Variants in ENOX1 observed in about 807,000 individuals in gnomAD.
The protein encoded by ENOX1 is candidate growth-related and time keeping constitutive hydroquinone (NADH) oxidase.
ENOX1 carries 42 observed loss-of-function variants against 82.5 expected under a neutral mutation model. The observed-to-expected ratio is 0.51, with a 90% CI of 0.40 to 0.66. ENOX1 has a LOEUF of 0.66. Ranked by LOEUF, ENOX1 falls within the 30% of genes least tolerant of loss-of-function variation. The probability of loss-of-function intolerance (pLI) is 0.00; values close to 1 mark genes in which losing one functional copy is unlikely to be tolerated. For synonymous variants in ENOX1, 271 were observed against 282.2 expected (o/e 0.96, Z 0.40); for missense variants, 608 against 811.6 (o/e 0.75, Z 3.05).
chr13:43,500,927 T>C (rs931059903), intron 2 of ENOX1, among the ~76,000 whole-genome samples: 1 of 151,674 alleles, frequency 6.6e-6, no homozygotes. Flanking sequence ...GTATAGTAGA[T>C]ACAAAAGATA....
Position 43,542,560 on chromosome 13 carries a change from G to A in ENOX1, c.-218-58408C>T, listed in dbSNP as rs191669683. ...AAGCAATTCTCAGGCCTCAGCCTCC[G>A]GAGTAGCTGGGATTACAGGCACCTG... On this transcript the variant is annotated intron_variant, in intron 2 of 16. Transcript: ENST00000690772. 6.0e-3 allele frequency among the ~76,000 whole-genome samples: 913 copies of A among 150,956 alleles called. 5 individuals carry two copies. Among genetic ancestry groups the A allele is most frequent in the Non-Finnish European group, 9.8e-3 (664 of 67,764 alleles).
rs541738340 is a variant in ENOX1, at chr13:43,725,263, C to A, written c.-284-57719G>T. Among the ~76,000 whole-genome samples the A allele has an allele frequency of 6.4e-4, 97 of 152,222 alleles. 2 individuals are homozygous for A. The highest frequency in any genetic ancestry group is 1.3e-3 in the Non-Finnish European group (88 of 68,006). ...AGGGTCTCCCTTCCCACTGGTTGAG[C>A]AACTACCAGCCAATCACTCTGAGCC... is the stretch of plus-strand genomic sequence containing the variant. On this transcript the variant is annotated intron_variant, in intron 1 of 16. Transcript: ENST00000690772.
rs1952608444 is a variant in ENOX1 at position 43,786,249 on chromosome 13, G to A, written c.-285+403C>T. On this transcript the variant is annotated intron_variant, in intron 1 of 16. Transcript: ENST00000690772. The surrounding 1 kb of genome is among the most constrained non-coding windows in gnomAD (Gnocchi z 6.0). ...GGGAACACTGTGTGGGCAGGAACGG[G>A]TCCCGGGGGCGACGCCCGCAGGGGG... 6.6e-6 allele frequency among the ~76,000 whole-genome samples: 1 copy of A among 152,126 alleles called. No homozygotes were observed. The highest frequency in any genetic ancestry group is 2.4e-5 in the African/African-American group (1 of 41,424).
intron 2 of ENOX1, among the ~76,000 whole-genome samples, chr13:43,585,440 TAGAC>T (rs2080933392): frequency 6.6e-6 from 1 of 152,240 alleles, no homozygotes; most frequent in Non-Finnish European, 1.5e-5. Context: ...ATAGGAAATT[TAGAC>T]AGACAATTCT....
chr13:43,768,695 C>T (rs781073331), intron 1 of ENOX1, among the ~76,000 whole-genome samples: 3 of 152,204 alleles, frequency 2.0e-5, no homozygotes, highest in Non-Finnish European at 4.4e-5. Context: ...AGCTTTAAAA[C>T]ATACATACAC....
At chr13:43,498,684 C>T (rs1022714862) in intron 2 of ENOX1, among the ~76,000 whole-genome samples, 1 of 151,806 alleles carries the variant, frequency 6.6e-6, no homozygotes, top group South Asian at 2.1e-4. Flanking sequence ...GTTAGAACTG[C>T]TACAGGCAAA....
chr13:43,275,774 G>A (rs1211268003), intron 12 of ENOX1, among the ~76,000 whole-genome samples: 1 of 152,200 alleles, frequency 6.6e-6, no homozygotes, highest in African/African-American at 2.4e-5. Flanking sequence ...GGAAACAACA[G>A]TAAATAGCCT....
intron 8 of ENOX1, among the ~76,000 whole-genome samples, chr13:43,347,251 A>G (rs1340038145): frequency 6.6e-6 from 1 of 152,242 alleles, no homozygotes; most frequent in Non-Finnish European, 1.5e-5. Context: ...AGAGGAAACA[A>G]TATTCTTAGG....
intron 1 of ENOX1, among the ~76,000 whole-genome samples, chr13:43,677,661 T>C (rs1461282882): frequency 6.6e-6 from 1 of 152,226 alleles, no homozygotes; most frequent in Non-Finnish European, 1.5e-5. Flanking sequence ...TTTCACACTA[T>C]AACTTTCTTT....
intron 1 of ENOX1, among the ~76,000 whole-genome samples, chr13:43,669,193 C>T (rs937782248): frequency 6.6e-6 from 1 of 152,162 alleles, no homozygotes; most frequent in African/African-American, 2.4e-5. Flanking sequence ...TAAAGAGAAT[C>T]ACATTAAAGT....
intron 2 of ENOX1, among the ~76,000 whole-genome samples, chr13:43,517,244 C>T (rs1160486535): frequency 6.6e-6 from 1 of 152,118 alleles, no homozygotes; most frequent in Admixed American, 6.6e-5. Flanking sequence ...AGCCTGTAAT[C>T]CCAGCACTTT....
At chr13:43,467,695 G>A (rs145530735) in intron 3 of ENOX1, among the ~76,000 whole-genome samples, 32 of 152,114 alleles carry the variant, frequency 2.1e-4, no homozygotes, top group African/African-American at 7.5e-4. Flanking sequence ...TTCTTTTGCT[G>A]TACATGCTTT....
intron 16 of ENOX1, among the ~76,000 whole-genome samples, chr13:43,222,828 A>C (rs1393512045): frequency 6.6e-6 from 1 of 152,204 alleles, no homozygotes; most frequent in African/African-American, 2.4e-5. Context: ...ATTTCATCTG[A>C]GTTTAACATG....
intron 1 of ENOX1, among the ~76,000 whole-genome samples, chr13:43,767,608 T>C (rs529273583): frequency 6.6e-6 from 1 of 152,354 alleles, no homozygotes; most frequent in African/African-American, 2.4e-5. Context: ...TAAAGGTGAC[T>C]AAGGAGACAG....
At chr13:43,441,408 G>A (rs2056348413) in intron 3 of ENOX1, among the ~76,000 whole-genome samples, 1 of 152,110 alleles carries the variant, frequency 6.6e-6, no homozygotes, top group African/African-American at 2.4e-5. Context: ...CGAATTGTTG[G>A]AATTATCATG....
chr13:43,624,185 A>C (rs1220213771), intron 2 of ENOX1, among the ~76,000 whole-genome samples: 1 of 152,200 alleles, frequency 6.6e-6, no homozygotes, highest in East Asian at 1.9e-4. Context: ...AATGATGTTC[A>C]GCATCTCTTA....
intron 8 of ENOX1, among the ~76,000 whole-genome samples, chr13:43,347,978 A>T (rs1027461598): frequency 3.3e-5 from 5 of 152,220 alleles, no homozygotes; most frequent in Admixed American, 1.3e-4. Flanking sequence ...ACCTGAGTTA[A>T]TGGACAGGTC....
At chr13:43,616,153 G>GATATCTATAGATAT (rs1566641461) in intron 2 of ENOX1, among the ~76,000 whole-genome samples, 733 of 16,132 alleles carry the variant, frequency 0.045, 47 homozygotes, top group East Asian at 0.098. Flanking sequence ...TATCTATATA[G>GATATCTATAGATAT]ATAGATATCT....
intron 11 of ENOX1, among the ~76,000 whole-genome samples, chr13:43,308,157 C>T (rs1249146643): frequency 6.6e-6 from 1 of 151,892 alleles, no homozygotes; most frequent in Non-Finnish European, 1.5e-5. Flanking sequence ...ACACTTTGCC[C>T]TCCCTTTTCA....
Sources: gnomAD v4.1 joint callset for allele counts (sites outside exome capture counted in the v4.1 genomes callset) on GRCh38, gnomAD v4.1.1 for gene constraint, Gnocchi (gnomAD v3.1) non-coding constraint, MANE v1.5 for transcripts, NCBI Gene and HGNC (gene_info 2026-07-23, HGNC 2026-07-21) for gene names.